CUL1: variants seen among roughly 807,000 people sequenced by gnomAD.
CUL1 encodes the protein cullin-1.
A neutral mutation model predicts 118.0 loss-of-function variants in CUL1; 24 were observed. That is an observed-to-expected ratio of 0.20 (90% CI 0.15 to 0.29). The LOEUF (loss-of-function observed/expected upper bound fraction) is 0.29, where lower values mean the gene tolerates loss of function less well. CUL1 is among the 10% of genes least tolerant of loss of function. The pLI, the probability that CUL1 is intolerant of heterozygous loss-of-function variation, is 1.00. For synonymous variants in CUL1, 332 were observed against 340.4 expected, an observed-to-expected ratio of 0.98 and a Z score of 0.27; for missense variants, 361 against 933.8, an observed-to-expected ratio of 0.39 and a Z score of 7.99.
intron 1 of CUL1, among the ~76,000 whole-genome samples, chr7:148,711,994 C>T (rs1488035013): frequency 6.6e-6 from 1 of 152,182 alleles, no homozygotes; most frequent in Non-Finnish European, 1.5e-5. Flanking sequence ...GCACATCTGG[C>T]CTTCCACGCT....
Position 148,725,198 on chromosome 7 carries a change from T to TACAC in CUL1, c.-161-4753_-161-4750dup, listed in dbSNP as rs147863334. Among the ~76,000 whole-genome samples, 288 of 106,818 alleles carry TACAC rather than the reference T, an allele frequency of 2.7e-3. 4 individuals are homozygous for TACAC. Among genetic ancestry groups the TACAC allele is most frequent in the African/African-American group, 8.4e-3 (266 of 31,536 alleles). 70.1% of individuals were successfully genotyped at this position (106,818 alleles called of 152,430 possible). A position where few individuals can be genotyped will look rare whatever the true frequency, so the allele number is the denominator to read the frequency against. On this transcript the variant is annotated intron_variant, in intron 1 of 21. Transcript: ENST00000325222. ...GGCATGCAGCGCACATGCGCGCGTG[T>TACAC]ACACACACACACACGCGCGCGCTCA...
At chr7:148,712,476 T>C (rs1171831114) in intron 1 of CUL1, among the ~76,000 whole-genome samples, 1 of 152,218 alleles carries the variant, frequency 6.6e-6, no homozygotes, top group Admixed American at 6.5e-5. Context: ...TCTGGTGTCA[T>C]CAGTTATCAA....
chr7:148,789,153 C>T (rs895343370), intron 14 of CUL1, among the ~76,000 whole-genome samples: 2 of 152,170 alleles, frequency 1.3e-5, no homozygotes, highest in Non-Finnish European at 2.9e-5. Context: ...ATGCTTACAT[C>T]ATCTTTTGAT....
At chr7:148,739,721 G>A (rs971790788) in intron 2 of CUL1, among the ~76,000 whole-genome samples, 37 of 152,264 alleles carry the variant, frequency 2.4e-4, no homozygotes, top group African/African-American at 8.7e-4. Context: ...GTGAGCAAAT[G>A]TTTACTTTGG....
chr7:148,756,256 AGAAG>A (rs1799652804), intron 3 of CUL1, among the ~76,000 whole-genome samples: 1 of 152,224 alleles, frequency 6.6e-6, no homozygotes, highest in South Asian at 2.1e-4. Context: ...GTAAATTTAA[AGAAG>A]GAAGAAGATG....
At chr7:148,710,279 A>G (rs1798008126) in intron 1 of CUL1, among the ~76,000 whole-genome samples, 1 of 141,386 alleles carries the variant, frequency 7.1e-6, no homozygotes, top group South Asian at 2.3e-4. Context: ...GCATTACTAT[A>G]AAAAATACCA....
intron 7 of CUL1, among the ~76,000 whole-genome samples, chr7:148,763,258 A>G (rs1799897309): frequency 6.6e-6 from 1 of 152,250 alleles, no homozygotes; most frequent in Non-Finnish European, 1.5e-5. Context: ...CCCGCCTTCA[A>G]GGAAGCAGTG....
chr7:148,726,850 A>T (rs371991544), intron 1 of CUL1, among the ~76,000 whole-genome samples: 27 of 148,686 alleles, frequency 1.8e-4, no homozygotes, highest in South Asian at 4.3e-4. Flanking sequence ...AAAAAAAAAA[A>T]TTTTTTTTTA....
At chr7:148,775,148 GA>G (rs1800355504) in intron 9 of CUL1, among the ~76,000 whole-genome samples, 2 of 152,236 alleles carry the variant, frequency 1.3e-5, no homozygotes, top group Non-Finnish European at 2.9e-5. Context: ...ACTTCTGGTA[GA>G]TTTGAGTTTG....
chr7:148,790,767 C>T (rs1433757380), intron 16 of CUL1, among the ~76,000 whole-genome samples: 1 of 152,208 alleles, frequency 6.6e-6, no homozygotes, highest in Non-Finnish European at 1.5e-5. Context: ...CACACATCAG[C>T]TGTTCAGGTA....
At chr7:148,777,249 G>A (rs1470565913) in intron 9 of CUL1, among the ~76,000 whole-genome samples, 1 of 152,110 alleles carries the variant, frequency 6.6e-6, no homozygotes, top group Non-Finnish European at 1.5e-5. Flanking sequence ...ATCCAAAGGT[G>A]ACAATGAGAT....
chr7:148,716,277 C>G (rs910711582), intron 1 of CUL1, among the ~76,000 whole-genome samples: 2 of 152,148 alleles, frequency 1.3e-5, no homozygotes, highest in African/African-American at 4.8e-5. Context: ...TAGTTATAGA[C>G]TTTATATGTA....
chr7:148,776,174 A>C (rs944676976), intron 9 of CUL1, among the ~76,000 whole-genome samples: 3 of 80,700 alleles, frequency 3.7e-5, no homozygotes, highest in Non-Finnish European at 5.3e-5. Context: ...TTACTGCAGG[A>C]AGACCCCCCT....
intron 2 of CUL1, among the ~76,000 whole-genome samples, chr7:148,735,679 A>G (rs913087091): frequency 4.6e-5 from 7 of 152,174 alleles, no homozygotes; most frequent in Non-Finnish European, 7.4e-5. Flanking sequence ...GATTCTGCTC[A>G]CCTAATGAGC....
At chr7:148,770,795 A>G (rs921993164) in intron 9 of CUL1, among the ~76,000 whole-genome samples, 2 of 152,248 alleles carry the variant, frequency 1.3e-5, no homozygotes, top group Non-Finnish European at 2.9e-5. Context: ...CTGCTAAAAA[A>G]CAAATACTTT....
At chr7:148,751,129 A>C (rs243486) in intron 2 of CUL1, among the ~76,000 whole-genome samples, 37,181 of 151,964 alleles carry the variant, frequency 0.24, 5,404 homozygotes, top group South Asian at 0.35. Context: ...GCTTTGTAGC[A>C]CTAAGTTGGC....
At chr7:148,699,050 G>A (rs1286037164) in intron 1 of CUL1, 21 bp downstream of exon 1, 2 of 154,942 alleles carry the variant, frequency 1.3e-5, no homozygotes, top group Non-Finnish European at 2.9e-5. Flanking sequence ...GCAGCCGCCG[G>A]GGCCGAGAGG....
intron 2 of CUL1, among the ~76,000 whole-genome samples, chr7:148,733,214 ATTTTC>A (rs960304661): frequency 6.6e-6 from 1 of 152,072 alleles, no homozygotes; most frequent in Non-Finnish European, 1.5e-5. Flanking sequence ...ACATTTCTAT[ATTTTC>A]TTTGAGAAGT....
chr7:148,747,985 G>C (rs370786540), intron 2 of CUL1, among the ~76,000 whole-genome samples: 5 of 152,236 alleles, frequency 3.3e-5, no homozygotes, highest in African/African-American at 1.2e-4. Context: ...TATTTGAAGA[G>C]GTAATAGAAT....
Sources: allele counts gnomAD v4.1 joint callset (sites outside exome capture counted in the v4.1 genomes callset), GRCh38; gene constraint gnomAD v4.1.1; transcripts MANE v1.5; gene names NCBI Gene and HGNC (gene_info 2026-07-23, HGNC 2026-07-21).